Variants in MMP26 observed in about 807,000 individuals in gnomAD.
MMP26 encodes matrix metalloproteinase-26.
In MMP26, 33 loss-of-function variants were observed where a neutral mutation model predicts 31.0. The ratio of observed to expected loss-of-function variants is 1.06; its 90% CI spans 0.81 to 1.42. The LOEUF (loss-of-function observed/expected upper bound fraction) is 1.42. Ranked by LOEUF, MMP26 falls within the 40% of genes most tolerant of loss-of-function variation. MMP26 has a pLI of 0.00. For missense variants in MMP26, 347 were observed against 316.1 expected (o/e 1.10, Z -0.74); for synonymous variants, 122 against 114.9 (o/e 1.06, Z -0.40).
intron 2 of MMP26, among the ~76,000 whole-genome samples, chr11:4,888,995 T>C (rs1043131837): frequency 6.6e-6 from 1 of 152,160 alleles, no homozygotes; most frequent in African/African-American, 2.4e-5. Context: ...TATGTACTTA[T>C]CCTTGTCATA....
chr11:4,759,385 T>C (rs1310319828), intron 1 of MMP26, among the ~76,000 whole-genome samples: 13 of 152,162 alleles, frequency 8.5e-5, no homozygotes, highest in Non-Finnish European at 1.9e-4. Context: ...ATCAACAATT[T>C]AATTTCTCTG....
intron 2 of MMP26, among the ~76,000 whole-genome samples, chr11:4,984,882 G>T (rs77479075): frequency 0.012 from 1,896 of 152,286 alleles, 51 homozygotes; most frequent in African/African-American, 0.043. Context: ...GGGATAGAGA[G>T]ATTTAACCTG....
intron 2 of MMP26, among the ~76,000 whole-genome samples, chr11:4,898,449 A>T (rs1850746214): frequency 6.6e-6 from 1 of 152,050 alleles, no homozygotes; most frequent in South Asian, 2.1e-4. Flanking sequence ...CTCAAACATA[A>T]AGGGCTCATT....
intron 2 of MMP26, among the ~76,000 whole-genome samples, chr11:4,967,832 C>A (rs1209702498): frequency 6.6e-6 from 1 of 151,976 alleles, no homozygotes; most frequent in Non-Finnish European, 1.5e-5. Context: ...TTGAAGGGAT[C>A]AGGTAGGGAG....
chr11:4,803,624 C>G, intron 2 of MMP26: 1 of 1,613,910 alleles, frequency 6.2e-7, no homozygotes, highest in South Asian at 1.1e-5. Flanking sequence ...ATATAAAGAG[C>G]CAAGATGACA....
intron 2 of MMP26, chr11:4,924,225 T>C: frequency 6.2e-7 from 1 of 1,614,020 alleles, no homozygotes; most frequent in Non-Finnish European, 8.5e-7. Context: ...AAGATAACTG[T>C]CAGGTAGATG....
intron 2 of MMP26, chr11:4,907,884 ATCT>A: frequency 6.2e-7 from 1 of 1,614,074 alleles, no homozygotes; most frequent in Non-Finnish European, 8.5e-7. Flanking sequence ...TGTCAAAAGA[ATCT>A]TCTTTCTCAC....
rs529919990 is a variant in MMP26, at chr11:4,954,667, C to T, written c.-144-33401C>T. ...AGTGAATAAAATAAGTCTGTGATAA[C>T]GATAAAAATATGTGTTGATAATTCT... On this transcript the variant is annotated intron_variant, in intron 2 of 7. Transcript: ENST00000380390. 508 of 670,874 alleles carry T rather than the reference C, an allele frequency of 7.6e-4. 113 individuals are homozygous for T. Among genetic ancestry groups the T allele is most frequent in the African/African-American group, 6.2e-3 (343 of 54,894 alleles). The allele number at this position is 670,874 out of a possible 1,614,324, so 41.6% of individuals were successfully genotyped here. A position where few individuals can be genotyped will look rare whatever the true frequency, so the allele number is the denominator to read the frequency against.
At chr11:4,956,374 T>G (rs539383763) in intron 2 of MMP26, among the ~76,000 whole-genome samples, 9 of 152,272 alleles carry the variant, frequency 5.9e-5, no homozygotes, top group African/African-American at 1.9e-4. Context: ...GGAATAAACA[T>G]TTGTAGATAC....
intron 2 of MMP26, among the ~76,000 whole-genome samples, chr11:4,870,109 T>C (rs1160634010): frequency 1.3e-5 from 2 of 152,008 alleles, no homozygotes; most frequent in Non-Finnish European, 2.9e-5. Flanking sequence ...CATTAGGAGA[T>C]ATACCTAATG....
chr11:4,720,060 T>A (rs558498349), intron 1 of MMP26, among the ~76,000 whole-genome samples: 2 of 152,234 alleles, frequency 1.3e-5, no homozygotes, highest in Non-Finnish European at 2.9e-5. Flanking sequence ...ATATTTTTAC[T>A]TTCCTTTGCC....
intron 2 of MMP26, among the ~76,000 whole-genome samples, chr11:4,963,665 G>A (rs1159021493): frequency 6.6e-6 from 1 of 152,158 alleles, no homozygotes; most frequent in Admixed American, 6.5e-5. Flanking sequence ...TTCTTTTGAA[G>A]CATGATACAA....
chr11:4,761,684 A>G (rs371264230), intron 1 of MMP26, among the ~76,000 whole-genome samples: 24 of 152,316 alleles, frequency 1.6e-4, no homozygotes, highest in African/African-American at 5.3e-4. Flanking sequence ...ATTTAAGATG[A>G]GAGTCTAGTA....
chr11:4,860,730 G>A (rs1265444790), intron 2 of MMP26: 1 of 297,958 alleles, frequency 3.4e-6, no homozygotes, highest in South Asian at 3.0e-5. Flanking sequence ...GTAACACTGT[G>A]TCTTTTTCCT....
At chr11:4,786,493 CTTTTTTTTTTTTT>C (rs66987352) in intron 2 of MMP26, among the ~76,000 whole-genome samples, 81 of 60,364 alleles carry the variant, frequency 1.3e-3, no homozygotes, top group Admixed American at 2.0e-3. Flanking sequence ...TCTGCTGATC[CTTTTTTTTTTTTT>C]TTTTTTTTTT....
intron 2 of MMP26, among the ~76,000 whole-genome samples, chr11:4,898,002 T>G (rs1053825741): frequency 1.2e-4 from 18 of 149,878 alleles, no homozygotes; most frequent in African/African-American, 4.1e-4. Context: ...TCTCATATAT[T>G]CACCCCTTTG....
chr11:4,989,959 C>A, intron 4 of MMP26, 91 bp downstream of exon 4: 2 of 1,038,064 alleles, frequency 1.9e-6, no homozygotes, highest in South Asian at 1.5e-5. Context: ...CCTCTACTCT[C>A]TTCTGCTTTC....
chr11:4,709,741 A>T (rs1176767990), intron 1 of MMP26: 1 of 460,906 alleles, frequency 2.2e-6, no homozygotes, highest in Non-Finnish European at 4.4e-6. Flanking sequence ...TCAAGCCTCC[A>T]TGAACCCATG....
chr11:4,986,534 T>C (rs1846892119), intron 2 of MMP26, among the ~76,000 whole-genome samples: 1 of 126,430 alleles, frequency 7.9e-6, no homozygotes, highest in African/African-American at 3.3e-5. Context: ...TTTTTTTTTT[T>C]TTTTTTTTTT....
Sources: gnomAD v4.1 joint callset for allele counts (sites outside exome capture counted in the v4.1 genomes callset) on GRCh38, gnomAD v4.1.1 for gene constraint, MANE v1.5 for transcripts, NCBI Gene and HGNC (gene_info 2026-07-23, HGNC 2026-07-21) for gene names.